ST7: variants seen among roughly 807,000 people sequenced by gnomAD.
ST7 encodes suppression of tumorigenicity 7, also known as suppressor of tumorigenicity 7 protein.
Under a neutral mutation model 78.7 loss-of-function variants are expected in ST7, and 28 were observed. The observed-to-expected ratio is 0.36, with a 90% CI of 0.26 to 0.49. ST7 has a LOEUF of 0.49. Among genes scored for constraint, ST7 ranks in the 20% least tolerant of loss-of-function variants. The probability of loss-of-function intolerance (pLI) is 0.99; values close to 1 mark genes in which losing one functional copy is unlikely to be tolerated. For missense variants in ST7, 418 were observed against 696.0 expected (o/e 0.60, Z 4.49); for synonymous variants, 247 against 249.6 (o/e 0.99, Z 0.10).
chr7:117,097,909 T>TATATATATATATA lies in ST7; in HGVS notation c.152-1853_152-1852insATATATATATATA, dbSNP rs1554436004. Among the ~76,000 whole-genome samples the TATATATATATATA allele has an allele frequency of 4.4e-3, 67 of 15,296 alleles. 1 individual carries two copies. Among genetic ancestry groups the TATATATATATATA allele is most frequent in the South Asian group, 0.013 (4 of 314 alleles). The allele number at this position is 15,296 out of a possible 152,430, so 10.0% of individuals were successfully genotyped here. A position where few individuals can be genotyped will look rare whatever the true frequency, so the allele number is the denominator to read the frequency against. ...ATATATATATATATATATATATATA[T>TATATATATATATA]TTTTTTTTTTTTTTTTTTTGATGGC... is the stretch of plus-strand genomic sequence containing the variant. On this transcript the variant is annotated intron_variant, in intron 1 of 15. Transcript: ENST00000323984.
chr7:117,185,891 C>T (rs1012442433), intron 10 of ST7, among the ~76,000 whole-genome samples: 13 of 151,894 alleles, frequency 8.6e-5, no homozygotes, highest in Non-Finnish European at 1.6e-4. Context: ...CCATTGCACT[C>T]TAGCCTGGGC....
intron 2 of ST7, among the ~76,000 whole-genome samples, chr7:117,114,107 C>T (rs970947592): frequency 3.3e-5 from 5 of 152,108 alleles, no homozygotes; most frequent in East Asian, 1.9e-4. Context: ...ACATAGCCCC[C>T]GCAACTGTTG....
chr7:117,175,005 A>T (rs1051350853), intron 10 of ST7, among the ~76,000 whole-genome samples: 1 of 152,198 alleles, frequency 6.6e-6, no homozygotes, highest in African/African-American at 2.4e-5. Flanking sequence ...CATGGTGCAG[A>T]ATTTCAGTGA....
chr7:117,209,823 G>T lies in ST7; in HGVS notation c.1291G>T (p.Glu431Ter). The T allele has an allele frequency of 6.2e-7, 1 of 1,613,988 alleles. No individual in the cohort carries two copies. The highest frequency in any genetic ancestry group is 1.1e-5 in the South Asian group (1 of 91,058). The change falls in exon 13 of 16, where the codon GAA (glutamate) becomes TAA (stop). Residue 431 changes from glutamate (E) to a stop codon, truncating the protein, a stop_gained. Transcript: ENST00000323984. LOFTEE classifies it high-confidence loss of function. Reference sequence around the variant, plus strand: ...AATGAAAAGCTTAATCCTACCCCCAGAACATATCCTGAAGAGAGGAGACAG... The same window carrying T: ...AATGAAAAGCTTAATCCTACCCCCATAACATATCCTGAAGAGAGGAGACAG... ...LEMKSLILPPEHILKRGDSEA... is the reference protein window; with the variant it reads ...LEMKSLILPP
intron 1 of ST7, among the ~76,000 whole-genome samples, chr7:117,030,945 A>C (rs746374619): frequency 6.6e-6 from 1 of 152,200 alleles, no homozygotes; most frequent in Non-Finnish European, 1.5e-5. Flanking sequence ...CTAAATGTGC[A>C]TCAGAGGTAG....
chr7:117,218,040 G>A (rs1006629519), intron 13 of ST7, among the ~76,000 whole-genome samples: 24 of 152,192 alleles, frequency 1.6e-4, no homozygotes, highest in African/African-American at 5.5e-4. Flanking sequence ...TTTGAAATAA[G>A]TATGCAAAAG....
intron 2 of ST7, among the ~76,000 whole-genome samples, chr7:117,113,847 A>G (rs1181893069): frequency 1.3e-5 from 2 of 151,884 alleles, no homozygotes; most frequent in Non-Finnish European, 2.9e-5. Context: ...AGGGCTTGGG[A>G]TGAATGACAC....
chr7:117,027,463 A>AAAAGTAAAAGTAAAGTAAAGTAAAGT (rs1554427204), intron 1 of ST7, among the ~76,000 whole-genome samples: 2 of 140,736 alleles, frequency 1.4e-5, no homozygotes, highest in South Asian at 2.3e-4. Context: ...AAAGTAAAGT[A>AAAAGTAAAAGTAAAGTAAAGTAAAGT]AAAGTAAAGT....
intron 2 of ST7, among the ~76,000 whole-genome samples, chr7:117,102,190 A>G (rs192640073): frequency 6.6e-6 from 1 of 152,298 alleles, no homozygotes; most frequent in East Asian, 1.9e-4. Flanking sequence ...AGTGTATGGT[A>G]GTGTTATTTT....
intron 1 of ST7, among the ~76,000 whole-genome samples, chr7:117,017,667 T>C (rs1380492506): frequency 6.6e-6 from 1 of 152,138 alleles, no homozygotes; most frequent in Non-Finnish European, 1.5e-5. Flanking sequence ...TCAGATCAGT[T>C]TTATTCATCC....
At position 117,008,198 on chromosome 7, in the gene ST7, T is replaced by C. The variant is rs540601076; in HGVS notation, c.151+54507T>C. ...ATGATCAGCGTAACTCATTACAGAA[T>C]TGTTGTATTTTAGAGCTAGAAAAAA... On this transcript the variant is annotated intron_variant, in intron 1 of 15. Transcript: ENST00000323984. Among the ~76,000 whole-genome samples the C allele has an allele frequency of 4.6e-5, 7 of 152,298 alleles. No individual in the cohort carries two copies. In the East Asian group the frequency reaches 9.6e-4, roughly 21 times the overall value.
chr7:117,082,361 CT>C (rs1353837861), intron 1 of ST7, among the ~76,000 whole-genome samples: 3 of 152,178 alleles, frequency 2.0e-5, no homozygotes, highest in Non-Finnish European at 4.4e-5. Flanking sequence ...AATTTGACTA[CT>C]TAATGCTGGT....
intron 10 of ST7, among the ~76,000 whole-genome samples, chr7:117,171,656 T>C (rs941508088): frequency 1.3e-5 from 2 of 151,660 alleles, no homozygotes; most frequent in African/African-American, 4.8e-5. Flanking sequence ...ATTGTCATTA[T>C]CCATGAATTC....
chr7:117,205,670 T>G (rs1791684336), intron 12 of ST7, among the ~76,000 whole-genome samples: 1 of 152,152 alleles, frequency 6.6e-6, no homozygotes, highest in South Asian at 2.1e-4. Flanking sequence ...CCTCCATGAG[T>G]AGGCGCTGCT....
chr7:117,215,749 T>C (rs936898610), intron 13 of ST7, among the ~76,000 whole-genome samples: 17 of 152,324 alleles, frequency 1.1e-4, no homozygotes, highest in African/African-American at 4.1e-4. Flanking sequence ...CTTACTTTCA[T>C]GATTGGATCC....
intron 2 of ST7, among the ~76,000 whole-genome samples, chr7:117,105,955 G>A (rs1026654646): frequency 3.9e-5 from 6 of 152,020 alleles, no homozygotes; most frequent in Admixed American, 6.6e-5. Context: ...GAGACTAACA[G>A]AAGAAAGAAA....
chr7:117,133,777 CCAT>C lies in ST7; in HGVS notation c.642-343_642-341del, dbSNP rs1339444249. 2.0e-5 allele frequency among the ~76,000 whole-genome samples: 3 copies of C among 151,860 alleles called. No individual in the cohort carries two copies. In the East Asian group the frequency reaches 5.8e-4, roughly 29 times the overall value. The stretch of plus-strand genomic sequence containing the variant: ...TAAGCTCATTCCACTCTCTTATAGA[CCAT>C]CATTACATGCCCTCTTTCCATCTTT... On this transcript the variant is annotated intron_variant, in intron 6 of 15. Coordinates refer to ENST00000323984, the MANE Select transcript of ST7 (RefSeq NM_001369598.1).
intron 13 of ST7, among the ~76,000 whole-genome samples, chr7:117,215,472 C>T (rs548692181): frequency 1.3e-5 from 2 of 152,136 alleles, no homozygotes; most frequent in Non-Finnish European, 2.9e-5. Flanking sequence ...GAAACCCAAC[C>T]TTTACTGAGC....
intron 1 of ST7, chr7:116,972,600 C>T: frequency 1.4e-6 from 2 of 1,417,352 alleles, no homozygotes; most frequent in Admixed American, 1.7e-5. Flanking sequence ...GGAGTTCCAT[C>T]TTTTCTTCAT....
Sources: allele counts gnomAD v4.1 joint callset (sites outside exome capture counted in the v4.1 genomes callset), GRCh38; gene constraint gnomAD v4.1.1; transcripts MANE v1.5; gene names NCBI Gene and HGNC (gene_info 2026-07-23, HGNC 2026-07-21).